VPS53: variants seen among roughly 807,000 people sequenced by gnomAD.
The protein encoded by VPS53 is vacuolar protein sorting-associated protein 53 homolog.
A neutral mutation model predicts 107.0 loss-of-function variants in VPS53; 70 were observed. That is an observed-to-expected ratio of 0.65 (90% CI 0.54 to 0.80). The LOEUF (loss-of-function observed/expected upper bound fraction) is 0.80. VPS53 is among the 30% of genes least tolerant of loss of function. The probability of loss-of-function intolerance (pLI) is 0.00; values close to 1 mark genes in which losing one functional copy is unlikely to be tolerated. For synonymous variants in VPS53, 409 were observed against 393.3 expected, an observed-to-expected ratio of 1.04 and a Z score of -0.47; for missense variants, 917 against 1,049.4, an observed-to-expected ratio of 0.87 and a Z score of 1.74.
rs202106131 is a variant in VPS53 at position 530,391 on chromosome 17, GAT to G, written c.2085+2449_2085+2450del. 7.6e-4 allele frequency among the ~76,000 whole-genome samples: 116 copies of G among 152,130 alleles called. 1 individual carries two copies. The East Asian group carries it at 0.02, about 27-fold the overall frequency. On this transcript the variant is annotated intron_variant, in intron 19 of 21. Transcript: ENST00000437048. ...GCTGGTCTTTAACTCTTGACCTTGT[GAT>G]CCGCCCGCCTCGGCCTCCCAAAGTG...
At chr17:523,730 G>C (rs975905241) in intron 19 of VPS53, among the ~76,000 whole-genome samples, 1 of 152,186 alleles carries the variant, frequency 6.6e-6, no homozygotes, top group Non-Finnish European at 1.5e-5. Context: ...GCAAAGTGCA[G>C]GGCATTTTGG....
At chr17:534,460 G>A (rs183555181) in intron 18 of VPS53, among the ~76,000 whole-genome samples, 101 of 152,314 alleles carry the variant, frequency 6.6e-4, no homozygotes, top group African/African-American at 1.8e-3. Context: ...TCCGGAGATC[G>A]GATCTGGAGG....
intron 10 of VPS53, among the ~76,000 whole-genome samples, chr17:626,029 T>C (rs1969693788): frequency 6.6e-6 from 1 of 151,898 alleles, no homozygotes. Flanking sequence ...ACAGCAAAAC[T>C]CTTGTCTCTA....
rs148775446 is a variant in VPS53 at position 659,163 on chromosome 17, C to T, written c.372+2646G>A. On this transcript the variant is annotated intron_variant, in intron 5 of 21. Transcript: ENST00000437048. The stretch of plus-strand genomic sequence containing the variant: ...TAGATATAGAAGGCTGAAGATTGGC[C>T]CTGTAACCTGATCACCCACTTGCAA... 9.9e-5 allele frequency among the ~76,000 whole-genome samples: 15 copies of T among 152,184 alleles called. No individual in the cohort carries two copies. In the East Asian group the frequency reaches 2.9e-3, roughly 29 times the overall value.
At chr17:662,819 AAG>A (rs1353291998) in intron 4 of VPS53, among the ~76,000 whole-genome samples, 2 of 102,640 alleles carry the variant, frequency 1.9e-5, no homozygotes, top group Non-Finnish European at 4.7e-5. Context: ...AAAAGAAAGA[AAG>A]AGAAAGAGAA....
chr17:641,953 C>T (rs371250118), intron 7 of VPS53, among the ~76,000 whole-genome samples: 1 of 152,202 alleles, frequency 6.6e-6, no homozygotes, highest in Non-Finnish European at 1.5e-5. Context: ...CTCCATGCCA[C>T]GTGACTGCAG....
intron 2 of VPS53, among the ~76,000 whole-genome samples, chr17:705,117 T>A (rs1240378929): frequency 1.3e-5 from 2 of 152,142 alleles, no homozygotes; most frequent in African/African-American, 2.4e-5. Context: ...ACCCAACAAC[T>A]TATTTCCACC....
At chr17:610,763 A>C (rs1968829676) in intron 11 of VPS53, among the ~76,000 whole-genome samples, 1 of 151,234 alleles carries the variant, frequency 6.6e-6, no homozygotes, top group South Asian at 2.1e-4. Context: ...TAAAAAAAAA[A>C]AAAAAAAATA....
chr17:628,194 C>A lies in VPS53; in HGVS notation c.725G>T (p.Cys242Phe). ...GGPSNVLRDA[C>F]LVANILDPRI... ...GGGATCTAGAATATTAGCAACCAGA[C>A]ATGCATCTCGTAGAACATTGCTGGG... is the stretch of plus-strand genomic sequence containing the variant. Residue 242 changes from cysteine (C) to phenylalanine (F), a missense_variant, in exon 9 of 22, where the codon TGT becomes TTT. By Grantham distance (205) the Cys-to-Phe change is radical (BLOSUM62 -2). Coordinates refer to ENST00000437048, the MANE Select transcript of VPS53 (RefSeq NM_001128159.3). 6.2e-7 allele frequency: 1 copy of A among 1,614,052 alleles called. No homozygotes were observed. Among genetic ancestry groups the A allele is most frequent in the Non-Finnish European group, 8.5e-7 (1 of 1,179,992 alleles).
intron 10 of VPS53, among the ~76,000 whole-genome samples, chr17:624,993 T>C (rs1172796997): frequency 2.4e-5 from 3 of 122,586 alleles, no homozygotes; most frequent in African/African-American, 8.7e-5. Context: ...TTTCTCTCTC[T>C]TCTTTTTTTT....
rs778710214 is a variant in VPS53 at position 509,062 on chromosome 17, C to T, written c.*10066G>A. 3.8e-4 allele frequency: 58 copies of T among 151,950 alleles called. No individual in the cohort carries two copies. The highest frequency in any genetic ancestry group is 7.2e-4 in the Non-Finnish European group (49 of 68,024). The allele number at this position is 151,950 out of a possible 1,614,324, so 9.4% of individuals were successfully genotyped here. ...TGAAGGCTGGAGCCAAATCCTGGCT[C>T]GCCCCCTTACTAGTCACATAGCAAA... On this transcript the variant is annotated 3_prime_UTR_variant, in exon 22 of 22. Transcript: ENST00000437048.
intron 13 of VPS53, among the ~76,000 whole-genome samples, chr17:574,851 T>C (rs1914467352): frequency 6.6e-6 from 1 of 152,234 alleles, no homozygotes; most frequent in Non-Finnish European, 1.5e-5. Flanking sequence ...GATGGGGCTT[T>C]GGCTGAAAAG....
chr17:642,404 G>A (rs992350103), intron 7 of VPS53, among the ~76,000 whole-genome samples: 4 of 150,644 alleles, frequency 2.7e-5, no homozygotes, highest in East Asian at 2.0e-4. Flanking sequence ...CTCGGAAACC[G>A]AGGACAACAC....
chr17:707,276 C>G (rs1973442835), intron 2 of VPS53, among the ~76,000 whole-genome samples: 1 of 152,150 alleles, frequency 6.6e-6, no homozygotes, highest in African/African-American at 2.4e-5. Flanking sequence ...CATCCCAGCA[C>G]TTTGGGAGGC....
At chr17:577,001 A>T (rs1914677301) in intron 13 of VPS53, among the ~76,000 whole-genome samples, 1 of 150,540 alleles carries the variant, frequency 6.6e-6, no homozygotes, top group African/African-American at 2.5e-5. Context: ...AACCTCCCTC[A>T]GGACCTCAAT....
At chr17:639,402 C>T (rs1292292188) in intron 7 of VPS53, among the ~76,000 whole-genome samples, 1 of 152,192 alleles carries the variant, frequency 6.6e-6, no homozygotes, top group African/African-American at 2.4e-5. Flanking sequence ...CGTCTGAAGC[C>T]TTCTTCTCTC....
intron 11 of VPS53, among the ~76,000 whole-genome samples, chr17:615,585 CATCTT>C (rs1342927470): frequency 2.0e-5 from 3 of 152,182 alleles, no homozygotes; most frequent in African/African-American, 4.8e-5. Flanking sequence ...CCTTGGCTGA[CATCTT>C]ACCTGTTTTG....
At chr17:637,879 A>G (rs1446798281) in intron 7 of VPS53, among the ~76,000 whole-genome samples, 2 of 152,246 alleles carry the variant, frequency 1.3e-5, no homozygotes, top group East Asian at 3.8e-4. Flanking sequence ...GGTGCTGAGA[A>G]GAATGTATAT....
chr17:509,441 C>T lies in VPS53; in HGVS notation c.*9687G>A, dbSNP rs1460058177. On this transcript the variant is annotated 3_prime_UTR_variant, in exon 22 of 22. Transcript: ENST00000437048. ...ATATCAAATCCTGGCTGACCCCTTA[C>T]TAGTCACGTATCGAATCCTGGCTGA... 1 of 104,254 alleles carries T rather than the reference C, an allele frequency of 9.6e-6. No individual in the cohort carries two copies. The highest frequency in any genetic ancestry group is 2.6e-4 in the East Asian group (1 of 3,892). 6.5% of individuals were successfully genotyped at this position (104,254 alleles called of 1,614,324 possible).
Sources: gnomAD v4.1 joint callset for allele counts (sites outside exome capture counted in the v4.1 genomes callset) on GRCh38, gnomAD v4.1.1 for gene constraint, MANE v1.5 for transcripts, NCBI Gene and HGNC (gene_info 2026-07-23, HGNC 2026-07-21) for gene names.